Variants in CADM2 observed in about 807,000 individuals in gnomAD.
CADM2 encodes immunoglobulin superfamily member 4D.
Under a neutral mutation model 49.8 loss-of-function variants are expected in CADM2, and 12 were observed. The ratio of observed to expected loss-of-function variants is 0.24; its 90% CI spans 0.15 to 0.39. The LOEUF (loss-of-function observed/expected upper bound fraction) is 0.39. Among genes scored for constraint, CADM2 ranks in the 10% least tolerant of loss-of-function variants. The probability of loss-of-function intolerance (pLI) is 1.00; values close to 1 mark genes in which losing one functional copy is unlikely to be tolerated. For missense variants in CADM2, 378 were observed against 492.3 expected (o/e 0.77, Z 2.20); for synonymous variants, 214 against 175.4 (o/e 1.22, Z -1.74).
chr3:85,668,315 CAAACAA>C (rs765056607), intron 1 of CADM2, among the ~76,000 whole-genome samples: 137 of 117,744 alleles, frequency 1.2e-3, no homozygotes, highest in Non-Finnish European at 2.2e-3. Context: ...AAAAAAAAAG[CAAACAA>C]AAACAAACAC....
intron 1 of CADM2, among the ~76,000 whole-genome samples, chr3:85,502,069 T>A (rs12496359): frequency 0.08 from 12,215 of 152,134 alleles, 949 homozygotes; most frequent in African/African-American, 0.18. Context: ...ACTTTAGGAT[T>A]CAATAAAGTA....
chr3:85,644,500 TAAAAG>T (rs747591926), intron 1 of CADM2, among the ~76,000 whole-genome samples: 3 of 152,038 alleles, frequency 2.0e-5, no homozygotes, highest in Non-Finnish European at 2.9e-5. Context: ...AACCAAATGA[TAAAAG>T]AGAAGAGAAC....
intron 2 of CADM2, among the ~76,000 whole-genome samples, chr3:85,731,010 T>C (rs572919538): frequency 1.3e-5 from 2 of 152,280 alleles, no homozygotes; most frequent in Non-Finnish European, 2.9e-5. Context: ...GCTATCTAAA[T>C]TGAGATATAT....
At chr3:85,855,071 C>A (rs574220525) in intron 3 of CADM2, among the ~76,000 whole-genome samples, 1 of 152,226 alleles carries the variant, frequency 6.6e-6, no homozygotes, top group South Asian at 2.1e-4. Context: ...AGATTTTCAA[C>A]TGATTTTCAG....
At chr3:85,398,341 C>CT (rs11450897) in intron 1 of CADM2, among the ~76,000 whole-genome samples, 117,825 of 151,964 alleles carry the variant, frequency 0.78, 47,838 homozygotes, top group East Asian at 0.95. Context: ...TGAAACCATC[C>CT]TTTTTATGGC....
At chr3:85,784,076 A>G (rs759098798) in intron 2 of CADM2, among the ~76,000 whole-genome samples, 18 of 152,146 alleles carry the variant, frequency 1.2e-4, no homozygotes, top group Non-Finnish European at 2.1e-4. Context: ...TCTCACACAC[A>G]CTGCACGCAC....
At chr3:85,825,356 A>C (rs1205135974) in intron 3 of CADM2, among the ~76,000 whole-genome samples, 1 of 152,096 alleles carries the variant, frequency 6.6e-6, no homozygotes, top group African/African-American at 2.4e-5. Flanking sequence ...GGTATTACTT[A>C]CTATCCCTAA....
chr3:85,656,729 G>A (rs2065212489), intron 1 of CADM2, among the ~76,000 whole-genome samples: 1 of 152,124 alleles, frequency 6.6e-6, no homozygotes, highest in African/African-American at 2.4e-5. Context: ...TTATGTGAGT[G>A]TACTGTGCTC....
At chr3:85,877,684 G>GTTTTTTTTTTTTTTTT (rs368101272) in intron 3 of CADM2, among the ~76,000 whole-genome samples, 57 of 111,982 alleles carry the variant, frequency 5.1e-4, no homozygotes, top group African/African-American at 1.5e-3. Flanking sequence ...TTTTTCTTCT[G>GTTTTTTTTTTTTTTTT]TTTTTTTTTT....
intron 1 of CADM2, among the ~76,000 whole-genome samples, chr3:85,015,668 T>C (rs532837406): frequency 2.0e-5 from 3 of 152,246 alleles, no homozygotes; most frequent in South Asian, 4.1e-4. Context: ...TGAGGTAAGA[T>C]AATTGTCAAA....
At chr3:85,007,042 G>C (rs779659420) in intron 1 of CADM2, among the ~76,000 whole-genome samples, 29 of 152,006 alleles carry the variant, frequency 1.9e-4, no homozygotes, top group Non-Finnish European at 7.4e-5. Flanking sequence ...AGTGTATTTA[G>C]AGCAACCTAT....
intron 1 of CADM2, among the ~76,000 whole-genome samples, chr3:85,474,596 C>A (rs914256517): frequency 6.6e-6 from 1 of 151,556 alleles, no homozygotes; most frequent in Non-Finnish European, 1.5e-5. Context: ...TAAAACACTC[C>A]CAAAAATATT....
chr3:85,708,117 G>T (rs1438636467), intron 1 of CADM2, among the ~76,000 whole-genome samples: 1 of 152,108 alleles, frequency 6.6e-6, no homozygotes, highest in African/African-American at 2.4e-5. Context: ...ATATCTTTCT[G>T]TAAAATACCT....
intron 1 of CADM2, among the ~76,000 whole-genome samples, chr3:85,544,729 C>T (rs948251015): frequency 6.6e-6 from 1 of 151,894 alleles, no homozygotes; most frequent in Non-Finnish European, 1.5e-5. Context: ...AGTGGAATTC[C>T]TAGATTGGGC....
At chr3:85,050,563 T>A (rs2035844502) in intron 1 of CADM2, among the ~76,000 whole-genome samples, 1 of 152,156 alleles carries the variant, frequency 6.6e-6, no homozygotes, top group African/African-American at 2.4e-5. Flanking sequence ...AGATAGTATA[T>A]GCATTTTAAA....
At chr3:85,324,312 G>A (rs920262518) in intron 1 of CADM2, among the ~76,000 whole-genome samples, 1 of 152,122 alleles carries the variant, frequency 6.6e-6, no homozygotes, top group Non-Finnish European at 1.5e-5. Context: ...TTTGTGCATA[G>A]TAACAGAATT....
intron 1 of CADM2, among the ~76,000 whole-genome samples, chr3:85,435,870 T>C (rs1301659709): frequency 6.8e-6 from 1 of 147,092 alleles, no homozygotes; most frequent in East Asian, 2.2e-4. Flanking sequence ...ATGGGGTCGT[T>C]TGTTTTTTTT....
intron 1 of CADM2, among the ~76,000 whole-genome samples, chr3:85,009,916 AAAAT>A (rs1270342261): frequency 8.7e-5 from 13 of 148,794 alleles, no homozygotes; most frequent in Middle Eastern, 3.5e-3. Context: ...AATATTTTAA[AAAAT>A]AAATAAAATT....
chr3:85,427,006 A>T (rs1179633989), intron 1 of CADM2, among the ~76,000 whole-genome samples: 1 of 151,850 alleles, frequency 6.6e-6, no homozygotes, highest in South Asian at 2.1e-4. Context: ...CCTATTTATC[A>T]AATTATTTCT....
Sources: allele counts gnomAD v4.1 joint callset (sites outside exome capture counted in the v4.1 genomes callset), GRCh38; gene constraint gnomAD v4.1.1; transcripts MANE v1.5; gene names NCBI Gene and HGNC (gene_info 2026-07-23, HGNC 2026-07-21).